Variants in FBXW10B observed in about 807,000 individuals in gnomAD.
FBXW10B encodes the protein F-box and WD repeat domain containing 10B.
chr17:15,596,487 C>T, the FBXW10B span: 124 of 1,541,248 alleles, frequency 8.0e-5, no homozygotes, highest in Non-Finnish European at 9.8e-5. Context: ...GTGCCCTTTC[C>T]GCCAAGGTAG....
chr17:15,589,212 G>A, the FBXW10B span: 1 of 1,613,702 alleles, frequency 6.2e-7, no homozygotes, highest in African/African-American at 1.3e-5. Context: ...ATGTGCTGAT[G>A]TGGCAGACTG....
At chr17:15,588,293 G>A in the FBXW10B span, 1 of 164,034 alleles carries the variant, frequency 6.1e-6, no homozygotes, top group Non-Finnish European at 1.4e-5. Flanking sequence ...TTGTAATGAT[G>A]GCAGTCAGAG....
At chr17:15,586,820 A>C in the FBXW10B span, among the ~76,000 whole-genome samples, 66 of 151,728 alleles carry the variant, frequency 4.3e-4, no homozygotes, top group Non-Finnish European at 9.1e-4. Flanking sequence ...CAGTAGAGAT[A>C]GAAGGGATAG....
the FBXW10B span, among the ~76,000 whole-genome samples, chr17:15,567,940 A>G: frequency 7.0e-6 from 1 of 143,262 alleles, no homozygotes; most frequent in Non-Finnish European, 1.5e-5. Context: ...GTAAGCAAAA[A>G]CACACGCTGA....
At chr17:15,596,753 A>C in the FBXW10B span, 1 of 1,415,650 alleles carries the variant, frequency 7.1e-7, no homozygotes, top group Non-Finnish European at 9.5e-7. Context: ...CCATCACAGA[A>C]GCAAAGACTC....
At chr17:15,588,769 T>C in the FBXW10B span, 8 of 747,646 alleles carry the variant, frequency 1.1e-5, no homozygotes, top group Non-Finnish European at 1.7e-5. Context: ...GGTGGATTAT[T>C]TGTACTTTGT....
chr17:15,568,856 C>A, the FBXW10B span: 2 of 1,230,710 alleles, frequency 1.6e-6, no homozygotes, highest in Non-Finnish European at 2.0e-6. Flanking sequence ...GTCTTTTCAA[C>A]CCCCTGATTT....
chr17:15,574,042 C>T, the FBXW10B span: 1 of 672,758 alleles, frequency 1.5e-6, no homozygotes, highest in African/African-American at 1.8e-5. Flanking sequence ...AGGTGTCTCT[C>T]ACGCTGCTGG....
chr17:15,591,375 C>T, the FBXW10B span, among the ~76,000 whole-genome samples: 3 of 152,114 alleles, frequency 2.0e-5, no homozygotes, highest in African/African-American at 4.8e-5. Flanking sequence ...CTGCAACCTC[C>T]GCCTCCTGGG....
At chr17:15,582,919 C>T in the FBXW10B span, among the ~76,000 whole-genome samples, 2 of 150,146 alleles carry the variant, frequency 1.3e-5, no homozygotes, top group East Asian at 2.0e-4. Flanking sequence ...TTTCTCTCAA[C>T]GAAGCATTTG....
the FBXW10B span, among the ~76,000 whole-genome samples, chr17:15,618,414 T>C: frequency 6.6e-6 from 1 of 151,832 alleles, no homozygotes; most frequent in Admixed American, 6.6e-5. Context: ...TTTTAACAGG[T>C]CCTGCTGGAG....
chr17:15,566,908 A>T, the FBXW10B span, among the ~76,000 whole-genome samples: 1 of 151,832 alleles, frequency 6.6e-6, no homozygotes, highest in Non-Finnish European at 1.5e-5. Flanking sequence ...AGTAAAGAGT[A>T]TATTAGCCTC....
chr17:15,619,605 C>T, the FBXW10B span: 4 of 1,516,554 alleles, frequency 2.6e-6, no homozygotes, highest in Non-Finnish European at 3.5e-6. Context: ...AATAAATACC[C>T]CAGTTGTGCC....
chr17:15,619,419 G>A, the FBXW10B span: 114 of 1,612,728 alleles, frequency 7.1e-5, no homozygotes, highest in African/African-American at 7.4e-4. Flanking sequence ...GCTAAGACAC[G>A]CGTCTCACAC....
At chr17:15,614,026 T>C in the FBXW10B span, 2 of 1,609,968 alleles carry the variant, frequency 1.2e-6, no homozygotes, top group African/African-American at 1.4e-5. Flanking sequence ...AATTCCTCCA[T>C]GGTTCCTCTA....
chr17:15,567,598 G>A, the FBXW10B span, among the ~76,000 whole-genome samples: 2 of 152,162 alleles, frequency 1.3e-5, no homozygotes, highest in Non-Finnish European at 2.9e-5. Flanking sequence ...GGAGGCTGGG[G>A]CAGGAGGATT....
At chr17:15,576,851 A>T in the FBXW10B span, among the ~76,000 whole-genome samples, 1 of 149,514 alleles carries the variant, frequency 6.7e-6, no homozygotes, top group Admixed American at 6.7e-5. Context: ...GAGTTTTAGA[A>T]ATGAAATGAA....
At chr17:15,576,655 G>A in the FBXW10B span, among the ~76,000 whole-genome samples, 1 of 152,184 alleles carries the variant, frequency 6.6e-6, no homozygotes, top group African/African-American at 2.4e-5. Flanking sequence ...ATACATGTCA[G>A]CATTAGTTTT....
At chr17:15,594,764 C>T in the FBXW10B span, 1 of 1,613,864 alleles carries the variant, frequency 6.2e-7, no homozygotes, top group Non-Finnish European at 8.5e-7. Context: ...TGCTTGAAGG[C>T]CATCAGGCAG....
Sources: gnomAD v4.1 joint callset for allele counts (sites outside exome capture counted in the v4.1 genomes callset) on GRCh38, gnomAD v4.1.1 for gene constraint, MANE v1.5 for transcripts, NCBI Gene and HGNC (gene_info 2026-07-23, HGNC 2026-07-21) for gene names.